Variants in EPB41 observed in about 807,000 individuals in gnomAD.
EPB41 encodes the protein protein 4.1.
A neutral mutation model predicts 108.0 loss-of-function variants in EPB41; 65 were observed. The observed-to-expected ratio is 0.60, with a 90% confidence interval of 0.49 to 0.74. EPB41 has a LOEUF of 0.74. Ranked by LOEUF, EPB41 falls within the 30% of genes least tolerant of loss-of-function variation. The probability of loss-of-function intolerance (pLI) is 0.00; values close to 1 mark genes in which losing one functional copy is unlikely to be tolerated. For missense variants in EPB41, 875 were observed against 1,037.0 expected (o/e 0.84, Z 2.15); for synonymous variants, 336 against 358.9 (o/e 0.94, Z 0.72).
intron 1 of EPB41, among the ~76,000 whole-genome samples, chr1:28,907,744 C>T (rs1350156766): frequency 1.3e-5 from 2 of 152,142 alleles, no homozygotes; most frequent in African/African-American, 2.4e-5. Flanking sequence ...TCTCGAGTAG[C>T]TGGGACCACA....
intron 1 of EPB41, among the ~76,000 whole-genome samples, chr1:28,959,250 C>T (rs1356166081): frequency 7.3e-6 from 1 of 137,650 alleles, no homozygotes; most frequent in Admixed American, 7.9e-5. Context: ...CGGAGTCTCG[C>T]TCTGTTGCCA....
chr1:29,082,070 C>T (rs1656909199), intron 16 of EPB41, among the ~76,000 whole-genome samples: 1 of 152,128 alleles, frequency 6.6e-6, no homozygotes, highest in Admixed American at 6.6e-5. Flanking sequence ...ATAATAATAG[C>T]TGTCTGTTGC....
intron 17 of EPB41, among the ~76,000 whole-genome samples, chr1:29,100,636 T>C (rs1032247458): frequency 6.9e-6 from 1 of 145,678 alleles, no homozygotes; most frequent in African/African-American, 2.5e-5. Flanking sequence ...TTTATATATA[T>C]ATAAATAAAA....
At chr1:29,061,577 T>TTTTTTTG (rs1217257352) in intron 15 of EPB41, among the ~76,000 whole-genome samples, 1 of 132,406 alleles carries the variant, frequency 7.6e-6, no homozygotes, top group African/African-American at 2.9e-5. Context: ...CCTTTGTTTT[T>TTTTTTTG]TTTTTTTTTT....
chr1:28,987,995 G>C (rs1571999720), intron 2 of EPB41, 90 bp downstream of exon 2: 1 of 1,365,296 alleles, frequency 7.3e-7, no homozygotes, highest in Non-Finnish European at 1.0e-6. Context: ...GGGCGCGGTG[G>C]CTCATGCCTG....
chr1:29,011,470 A>G (rs1361327254), intron 4 of EPB41, among the ~76,000 whole-genome samples: 1 of 152,218 alleles, frequency 6.6e-6, no homozygotes, highest in Non-Finnish European at 1.5e-5. Flanking sequence ...GTAGCTATCT[A>G]CTAGTCTTTA....
rs188227752 is a variant in EPB41, at chr1:29,028,090, C to G, written c.1125-2310C>G. ...CCGCCTGCCTCGGCCTCCCAAAGTGCTGGGATTATAGACGTGAGCCACCGC... is the reference window on the plus strand; with the variant it reads ...CCGCCTGCCTCGGCCTCCCAAAGTGGTGGGATTATAGACGTGAGCCACCGC... On this transcript the variant is annotated intron_variant, in intron 7 of 20. Transcript: ENST00000343067. Among the ~76,000 whole-genome samples, 631 of 152,300 alleles carry G rather than the reference C, an allele frequency of 4.1e-3. 1 individual carries two copies. Among genetic ancestry groups the G allele is most frequent in the Middle Eastern group, 0.014 (4 of 294 alleles).
intron 11 of EPB41, among the ~76,000 whole-genome samples, chr1:29,051,192 G>C (rs1237933596): frequency 7.5e-6 from 1 of 133,352 alleles, no homozygotes; most frequent in Non-Finnish European, 1.5e-5. Flanking sequence ...TCTGCCTCTC[G>C]GGTTCAAGTG....
intron 5 of EPB41, 22 bp downstream of exon 5, chr1:29,011,929 T>C: frequency 6.2e-7 from 1 of 1,613,686 alleles, no homozygotes. Context: ...TAGCTCTTTT[T>C]ATAGTTCTTT....
intron 8 of EPB41, 99 bp downstream of exon 8, chr1:29,030,586 TAAC>T (rs2096775865): frequency 3.2e-6 from 3 of 941,342 alleles, no homozygotes; most frequent in Non-Finnish European, 3.5e-6. Context: ...TAATACTTTT[TAAC>T]AACATCTGGG....
intron 16 of EPB41, among the ~76,000 whole-genome samples, chr1:29,089,247 A>T (rs1384678329): frequency 3.9e-5 from 6 of 152,244 alleles, no homozygotes; most frequent in Admixed American, 1.3e-4. Context: ...GCTGGACTAG[A>T]CTATGAGTCT....
upstream of EPB41, among the ~76,000 whole-genome samples, chr1:28,913,038 G>A (rs370584623): frequency 4.1e-4 from 62 of 152,256 alleles, no homozygotes; most frequent in African/African-American, 1.4e-3. Context: ...GGAATGGCAT[G>A]ATCCTAGCTC....
In EPB41 at chr1:28,987,590, G is replaced by C; in HGVS notation, c.153G>C (p.Gln51His). 1 of 1,614,178 alleles carries C rather than the reference G, an allele frequency of 6.2e-7. No individual in the cohort carries two copies. The highest frequency in any genetic ancestry group is 8.5e-7 in the Non-Finnish European group (1 of 1,180,036). Residue 51 changes from glutamine to histidine, a missense_variant, in exon 2 of 21, where the codon CAG becomes CAC. Around this residue, in one of 3 missense-constraint regions of EPB41, gnomAD observed 353 missense variants for 393.2 expected, o/e 0.90. Transcript: ENST00000343067. ...CTGAAGGAGATAATTGGTGTGAACA[G>C]AAGCTGAAAGCTTCTAATGGAGACA... ...TAAEGDNWCE[Q>H]KLKASNGDTP...
chr1:28,976,760 A>G (rs759226315), intron 1 of EPB41, among the ~76,000 whole-genome samples: 3 of 152,142 alleles, frequency 2.0e-5, no homozygotes, highest in Non-Finnish European at 4.4e-5. Flanking sequence ...TGGATTTACA[A>G]TGTTCTTAAT....
At chr1:29,052,512 T>A (rs552962358) in intron 11 of EPB41, among the ~76,000 whole-genome samples, 1 of 152,284 alleles carries the variant, frequency 6.6e-6, no homozygotes, top group Admixed American at 6.5e-5. Context: ...ATCAAATGAT[T>A]TATTATTAAA....
Position 29,035,703 on chromosome 1 carries a change from G to A in EPB41, c.1366-123G>A, listed in dbSNP as rs1639185263. ...GAAAAAATTCCAAATGACATTTTAT[G>A]TCCTTAAATTGGTAACAATGGCCTC... On this transcript the variant is annotated intron_variant, in intron 9 of 20. Coordinates refer to ENST00000343067, the MANE Select transcript of EPB41 (RefSeq NM_001376013.1). 27 of 717,690 alleles carry A rather than the reference G, an allele frequency of 3.8e-5. No homozygotes were observed. In the South Asian group the frequency reaches 4.9e-4, roughly 13 times the overall value. The allele number at this position is 717,690 out of a possible 1,614,324, so 44.5% of individuals were successfully genotyped here. A position where few individuals can be genotyped will look rare whatever the true frequency, so the allele number is the denominator to read the frequency against.
intron 16 of EPB41, among the ~76,000 whole-genome samples, chr1:29,092,712 C>T (rs1000327432): frequency 2.6e-5 from 4 of 152,138 alleles, no homozygotes; most frequent in African/African-American, 4.8e-5. Flanking sequence ...CACCCTCCAC[C>T]CTCAAGTAGG....
chr1:29,048,045 A>G (rs1247535683), intron 11 of EPB41, among the ~76,000 whole-genome samples: 4 of 151,946 alleles, frequency 2.6e-5, no homozygotes, highest in Non-Finnish European at 5.9e-5. Flanking sequence ...CGGCCTCCCA[A>G]AGTTCTGGGA....
chr1:28,935,752 C>G (rs960120622), intron 1 of EPB41, among the ~76,000 whole-genome samples: 2 of 151,650 alleles, frequency 1.3e-5, no homozygotes, highest in South Asian at 2.1e-4. Flanking sequence ...AACCCCGTCT[C>G]TACTAAAAAT....
Sources: allele counts gnomAD v4.1 joint callset (sites outside exome capture counted in the v4.1 genomes callset), GRCh38; gene constraint gnomAD v4.1.1; regional missense constraint gnomAD v4.1.1; transcripts MANE v1.5; gene names NCBI Gene and HGNC (gene_info 2026-07-23, HGNC 2026-07-21).